RNLS: variants seen among roughly 807,000 people sequenced by gnomAD.
RNLS encodes the protein renalase, FAD dependent amine oxidase.
Under a neutral mutation model 39.8 loss-of-function variants are expected in RNLS, and 39 were observed. That is an observed-to-expected ratio of 0.98 (90% CI 0.76 to 1.28). The LOEUF is 1.28. Ranked by LOEUF, RNLS falls within the 50% of genes most tolerant of loss-of-function variation. The pLI is 0.00. For synonymous variants in RNLS, 147 were observed against 150.7 expected (o/e 0.98, Z 0.18); for missense variants, 410 against 413.3 (o/e 0.99, Z 0.07).
intron 3 of RNLS, among the ~76,000 whole-genome samples, chr10:88,579,618 C>A (rs1177219558): frequency 6.6e-6 from 1 of 152,030 alleles, no homozygotes; most frequent in African/African-American, 2.4e-5. Flanking sequence ...CTGATGATTT[C>A]AATAGGTATA....
intron 4 of RNLS, among the ~76,000 whole-genome samples, chr10:88,396,221 C>T (rs777021523): frequency 7.0e-4 from 107 of 151,998 alleles, no homozygotes; most frequent in Non-Finnish European, 1.0e-3. Context: ...CTGTTTGTAG[C>T]TCTTTATCGG....
the RNLS span, among the ~76,000 whole-genome samples, chr10:88,264,297 CT>C: frequency 1.3e-5 from 2 of 152,114 alleles, no homozygotes; most frequent in Non-Finnish European, 2.9e-5. Context: ...GTGGAAGTAT[CT>C]TTTTCATATA....
In RNLS at chr10:88,476,246, T is replaced by C. The variant is rs79560385; in HGVS notation, c.526+96657A>G. Among the ~76,000 whole-genome samples the C allele has an allele frequency of 3.0e-3, 455 of 152,328 alleles. 5 individuals are homozygous for C. Among genetic ancestry groups the C allele is most frequent in the East Asian group, 0.014 (73 of 5,192 alleles). On this transcript the variant is annotated intron_variant, in intron 4 of 6. Coordinates refer to ENST00000331772, the MANE Select transcript of RNLS (RefSeq NM_001031709.3). ...TTGTTTTTGTTTTGGTGGTTGTTAC[T>C]GTTTTTCATTTTCTTAAACTTCTAA...
At chr10:88,578,063 A>G (rs1440842902) in intron 3 of RNLS, among the ~76,000 whole-genome samples, 1 of 152,192 alleles carries the variant, frequency 6.6e-6, no homozygotes, top group Non-Finnish European at 1.5e-5. Context: ...TTCTTAAAGT[A>G]AGGAATATAT....
At chr10:88,561,317 T>C (rs1849175159) in intron 4 of RNLS, among the ~76,000 whole-genome samples, 1 of 152,020 alleles carries the variant, frequency 6.6e-6, no homozygotes. Context: ...AAACCACAAA[T>C]TGATTATAAT....
At chr10:88,576,916 A>C (rs1850244275) in intron 3 of RNLS, among the ~76,000 whole-genome samples, 1 of 152,178 alleles carries the variant, frequency 6.6e-6, no homozygotes, top group South Asian at 2.1e-4. Flanking sequence ...TAAAATAAAA[A>C]CAAATAAATG....
At chr10:88,576,397 T>A (rs1850213456) in intron 3 of RNLS, among the ~76,000 whole-genome samples, 1 of 152,226 alleles carries the variant, frequency 6.6e-6, no homozygotes, top group South Asian at 2.1e-4. Flanking sequence ...GTTTCTGTTA[T>A]ATATTTATTC....
At chr10:88,185,164 G>T in the RNLS span, among the ~76,000 whole-genome samples, 1 of 152,034 alleles carries the variant, frequency 6.6e-6, no homozygotes, top group Non-Finnish European at 1.5e-5. Flanking sequence ...CACAAATATG[G>T]GGACGAGAGT....
the RNLS span, among the ~76,000 whole-genome samples, chr10:88,227,682 A>T: frequency 1.3e-5 from 2 of 152,234 alleles, no homozygotes; most frequent in Non-Finnish European, 2.9e-5. Flanking sequence ...CTTTCTGGGT[A>T]TGACTTTACT....
the RNLS span, among the ~76,000 whole-genome samples, chr10:88,216,473 C>T: frequency 6.6e-6 from 1 of 152,210 alleles, no homozygotes; most frequent in African/African-American, 2.4e-5. Flanking sequence ...CTCCCAGAAG[C>T]ATCTAGGTTA....
chr10:88,335,609 G>A (rs1847430333), intron 5 of RNLS, among the ~76,000 whole-genome samples: 1 of 152,294 alleles, frequency 6.6e-6, no homozygotes, highest in South Asian at 2.1e-4. Context: ...GCTAAGAGCT[G>A]CCTCATTAGC....
chr10:88,404,649 T>C (rs1304384699), intron 4 of RNLS, among the ~76,000 whole-genome samples: 3 of 151,954 alleles, frequency 2.0e-5, no homozygotes, highest in South Asian at 4.1e-4. Flanking sequence ...CCTAAACTTA[T>C]GAGGAAGTAG....
At chr10:88,442,911 G>C (rs548755065) in intron 4 of RNLS, among the ~76,000 whole-genome samples, 53 of 152,094 alleles carry the variant, frequency 3.5e-4, no homozygotes, top group Admixed American at 2.7e-3. Context: ...ATGTCCCTTG[G>C]GTATGTCAAA....
intron 3 of RNLS, 127 bp downstream of exon 3, chr10:88,581,440 G>T: frequency 1.4e-6 from 1 of 699,164 alleles, no homozygotes; most frequent in Non-Finnish European, 2.2e-6. Flanking sequence ...GGAAGGACTA[G>T]CTATTGATCA....
the RNLS span, among the ~76,000 whole-genome samples, chr10:88,258,886 T>C: frequency 6.6e-6 from 1 of 152,216 alleles, no homozygotes; most frequent in East Asian, 1.9e-4. Context: ...GCTCTGCTGC[T>C]GTGATTGTGA....
intron 4 of RNLS, among the ~76,000 whole-genome samples, chr10:88,379,699 G>T (rs1465166871): frequency 1.3e-5 from 2 of 152,118 alleles, no homozygotes; most frequent in Admixed American, 1.3e-4. Flanking sequence ...AACTAAGAGG[G>T]TCTGTGGTTA....
At chr10:88,298,128 A>G (rs574857721) in intron 6 of RNLS, among the ~76,000 whole-genome samples, 1 of 152,224 alleles carries the variant, frequency 6.6e-6, no homozygotes, top group South Asian at 2.1e-4. Flanking sequence ...TTCTTTGGGA[A>G]AATGTCTATT....
At chr10:88,534,450 A>C (rs191478815) in intron 4 of RNLS, among the ~76,000 whole-genome samples, 7 of 152,300 alleles carry the variant, frequency 4.6e-5, no homozygotes, top group Non-Finnish European at 1.0e-4. Flanking sequence ...AAGAAATAAT[A>C]AAAAATTATT....
rs369356364 is a variant in RNLS at position 88,314,689 on chromosome 10, G to T, written c.701-48C>A. The T allele has an allele frequency of 3.8e-5, 59 of 1,533,892 alleles. No individual in the cohort carries two copies. The African/African-American group carries it at 5.1e-4, about 13-fold the overall frequency. On this transcript the variant is annotated intron_variant, in intron 5 of 6. Coordinates refer to ENST00000331772, the MANE Select transcript of RNLS (RefSeq NM_001031709.3). ...AGATGCATCTTAAAGTGGGTAGCAG[G>T]CAAGCATCTCTCAGGATTTCAATTC...
Sources: gnomAD v4.1 joint callset for allele counts (sites outside exome capture counted in the v4.1 genomes callset) on GRCh38, gnomAD v4.1.1 for gene constraint, MANE v1.5 for transcripts, NCBI Gene and HGNC (gene_info 2026-07-23, HGNC 2026-07-21) for gene names.